The following P2RY8 variants were observed in gnomAD, a reference collection of about 807,000 sequenced individuals.
The protein encoded by P2RY8 is S-geranylgeranyl-glutathione receptor P2RY8.
Under a neutral mutation model 10.0 loss-of-function variants are expected in P2RY8, and 6 were observed. The ratio of observed to expected loss-of-function variants is 0.60; its 90% CI spans 0.33 to 1.19. P2RY8 has a LOEUF of 1.19. Ranked by LOEUF, P2RY8 falls within the 50% of genes most tolerant of loss-of-function variation. The pLI is 0.04. For synonymous variants in P2RY8, 276 were observed against 252.5 expected (o/e 1.09, Z -0.88); for missense variants, 456 against 542.0 (o/e 0.84, Z 1.58).
rs200123744 is a variant in P2RY8 at position 1,466,161 on chromosome X, C to G, written c.398G>C (p.Arg133Pro). The G allele has an allele frequency of 3.3e-4, 527 of 1,611,988 alleles. 1 individual carries two copies. The highest frequency in any genetic ancestry group is 1.9e-3 in the Middle Eastern group (11 of 5,894). Residue 133 changes from arginine to proline, a missense_variant, in exon 2 of 2, where the codon CGC becomes CCC. Transcript: ENST00000381297. ...CACCGCGTAACGACGGCGGCGCCAG[C>G]GCTTGGAGCTGAGCGGGTACAGGAC... ...LGVLYPLSSK[R>P]WRRRRYAVAA...
chrX:1,498,172 C>T (rs1443544309), intron 1 of P2RY8, among the ~76,000 whole-genome samples: 10 of 151,816 alleles, frequency 6.6e-5, no homozygotes, highest in African/African-American at 1.2e-4. Context: ...TTTGGGAGGC[C>T]GAGGCGGGCA....
chrX:1,508,268 G>A (rs1396158661), intron 1 of P2RY8, among the ~76,000 whole-genome samples: 1 of 152,152 alleles, frequency 6.6e-6, no homozygotes, highest in Admixed American at 6.5e-5. Context: ...GTTGATCAAA[G>A]GTTTTCAACT....
At chrX:1,521,479 G>A (rs1401604286) in intron 1 of P2RY8, among the ~76,000 whole-genome samples, 10 of 152,150 alleles carry the variant, frequency 6.6e-5, no homozygotes, top group South Asian at 4.1e-4. Flanking sequence ...GTCCCAGTAT[G>A]GACAAACCCT....
At chrX:1,478,688 C>T (rs142294009) in intron 1 of P2RY8, among the ~76,000 whole-genome samples, 2,152 of 152,072 alleles carry the variant, frequency 0.014, 24 homozygotes, top group South Asian at 0.026. Context: ...GCATGTTGGC[C>T]AGGCTGGTCT....
chrX:1,497,090 C>T (rs2092124220), intron 1 of P2RY8, among the ~76,000 whole-genome samples: 1 of 150,126 alleles, frequency 6.7e-6, no homozygotes, highest in Non-Finnish European at 1.5e-5. Flanking sequence ...GTGGTGGTGG[C>T]GGGTGCCTGT....
Position 1,466,070 on chromosome X carries a change from G to A in P2RY8, c.489C>T (p.Leu163=). Reference sequence around the variant, plus strand: ...TGCCCAGGGCGTGCACCGGGTAGGTGAGATCGGTGCGCGCCAGCGGGGACA... The same window carrying A: ...TGCCCAGGGCGTGCACCGGGTAGGTAAGATCGGTGCGCGCCAGCGGGGACA... ...TALSPLARTD[L]TYPVHALGII... is the part of the protein sequence containing the mutation. The change falls in exon 2 of 2, where the codon CTC becomes CTT. Residue 163 remains leucine (L), a synonymous_variant. Coordinates refer to ENST00000381297, the MANE Select transcript of P2RY8 (RefSeq NM_178129.5). 6.2e-7 allele frequency: 1 copy of A among 1,611,764 alleles called. No individual in the cohort carries two copies. The highest frequency in any genetic ancestry group is 2.2e-5 in the East Asian group (1 of 44,884).
chrX:1,509,614 CTAT>C (rs2092278280), intron 1 of P2RY8, among the ~76,000 whole-genome samples: 1 of 143,910 alleles, frequency 6.9e-6, no homozygotes, highest in Non-Finnish European at 1.5e-5. Flanking sequence ...TATTATGTAT[CTAT>C]CATGTATGTA....
chrX:1,530,192 C>G (rs867535352), intron 1 of P2RY8, among the ~76,000 whole-genome samples: 2,290 of 146,446 alleles, frequency 0.016, 81 homozygotes, highest in African/African-American at 0.055. Context: ...ATCTATCTAT[C>G]TATCTATCTA....
intron 1 of P2RY8, among the ~76,000 whole-genome samples, chrX:1,478,953 G>T (rs1323943333): frequency 6.6e-6 from 1 of 152,076 alleles, no homozygotes; most frequent in Non-Finnish European, 1.5e-5. Flanking sequence ...TAAAACCGGG[G>T]TTGATACCAC....
intron 1 of P2RY8, among the ~76,000 whole-genome samples, chrX:1,490,918 G>A (rs2092040567): frequency 2.8e-5 from 4 of 141,842 alleles, no homozygotes; most frequent in African/African-American, 1.1e-4. Flanking sequence ...AAATGTGGGG[G>A]GAATGAATGA....
intron 1 of P2RY8, among the ~76,000 whole-genome samples, chrX:1,509,788 G>C (rs865841938): frequency 0.26 from 18,144 of 68,880 alleles, 2,904 homozygotes; most frequent in Middle Eastern, 0.38. Flanking sequence ...TATCATCTAT[G>C]TATCCATCCT....
chrX:1,518,773 C>T (rs1287333182), intron 1 of P2RY8, among the ~76,000 whole-genome samples: 7 of 151,924 alleles, frequency 4.6e-5, no homozygotes, highest in Non-Finnish European at 8.8e-5. Flanking sequence ...ATAATCTTTC[C>T]AGTCTCCAGT....
intron 1 of P2RY8, among the ~76,000 whole-genome samples, chrX:1,468,088 C>G (rs2091717186): frequency 6.6e-6 from 1 of 151,682 alleles, no homozygotes; most frequent in Non-Finnish European, 1.5e-5. Flanking sequence ...CAGGTGCATG[C>G]CACCCTGCCC....
intron 1 of P2RY8, among the ~76,000 whole-genome samples, chrX:1,516,659 G>GA (rs2092352766): frequency 6.6e-6 from 1 of 151,190 alleles, no homozygotes; most frequent in Non-Finnish European, 1.5e-5. Context: ...CAGACCTCCA[G>GA]CTCCAGGATT....
intron 1 of P2RY8, among the ~76,000 whole-genome samples, chrX:1,502,487 C>G (rs1462426656): frequency 1.3e-5 from 2 of 152,110 alleles, no homozygotes; most frequent in East Asian, 3.9e-4. Flanking sequence ...CCCGGCAACA[C>G]GCTTTGCCGA....
intron 1 of P2RY8, among the ~76,000 whole-genome samples, chrX:1,524,805 TCATCCATCCATCCATC>T (rs756684695): frequency 0.11 from 8,565 of 77,006 alleles, 486 homozygotes; most frequent in Non-Finnish European, 0.15. Flanking sequence ...ATCCATCCAC[TCATCCATCCATCCATC>T]CATCCATCCA....
chrX:1,499,487 G>A (rs1181770983), intron 1 of P2RY8, among the ~76,000 whole-genome samples: 7 of 151,978 alleles, frequency 4.6e-5, no homozygotes, highest in Admixed American at 1.3e-4. Flanking sequence ...TCTTACGCAT[G>A]AGGTAATGCT....
intron 1 of P2RY8, among the ~76,000 whole-genome samples, chrX:1,509,374 TTCTATCTATCTATCTATCTATCTA>T (rs779648095): frequency 1.4e-4 from 19 of 131,108 alleles, no homozygotes; most frequent in South Asian, 2.5e-4. Context: ...CATCCATCTA[TTCTATCTATCTATCTATCTATCTA>T]TCTATCTATC....
At chrX:1,521,812 G>A (rs1331481349) in intron 1 of P2RY8, among the ~76,000 whole-genome samples, 2 of 152,032 alleles carry the variant, frequency 1.3e-5, no homozygotes, top group African/African-American at 2.4e-5. Flanking sequence ...TGAGCGTGAC[G>A]GACAACCTCC....
Sources: gnomAD v4.1 joint callset for allele counts (sites outside exome capture counted in the v4.1 genomes callset) on GRCh38, gnomAD v4.1.1 for gene constraint, MANE v1.5 for transcripts, NCBI Gene and HGNC (gene_info 2026-07-23, HGNC 2026-07-21) for gene names.